DSTYK: variants seen among roughly 807,000 people sequenced by gnomAD.
DSTYK encodes the protein RIP-homologous kinase.
Under a neutral mutation model 98.7 loss-of-function variants are expected in DSTYK, and 34 were observed. That is an observed-to-expected ratio of 0.34 (90% CI 0.26 to 0.46). The LOEUF is 0.46. DSTYK is among the 20% of genes least tolerant of loss of function. The pLI is 1.00. For synonymous variants in DSTYK, 462 were observed against 457.3 expected, an observed-to-expected ratio of 1.01 and a Z score of -0.13; for missense variants, 962 against 1,181.7, an observed-to-expected ratio of 0.81 and a Z score of 2.73.
Position 205,211,502 on chromosome 1 carries a change from G to A in DSTYK, c.34C>T (p.Pro12Ser). 1 of 1,572,474 alleles carries A rather than the reference G, an allele frequency of 6.4e-7. No individual in the cohort carries two copies. The highest frequency in any genetic ancestry group is 8.6e-7 in the Non-Finnish European group (1 of 1,164,624). Residue 12 changes from proline to serine, a missense_variant, in exon 1 of 13, where the codon CCC becomes TCC. Transcript: ENST00000367162. ...EGDGVPWGSE[P>S]VSGPGPGGGG... Reference sequence around the variant, plus strand: ...CCGCCGGGGCCGGGACCCGAGACGGGCTCGCTGCCCCATGGCACCCCGTCG... The same window carrying A: ...CCGCCGGGGCCGGGACCCGAGACGGACTCGCTGCCCCATGGCACCCCGTCG...
intron 10 of DSTYK, among the ~76,000 whole-genome samples, chr1:205,155,614 C>T (rs143558859): frequency 0.012 from 1,849 of 151,008 alleles, 44 homozygotes; most frequent in African/African-American, 0.043. Context: ...GTTGAGATTG[C>T]GCCACTGCAC....
At chr1:205,163,602 A>C (rs1657800193) in intron 4 of DSTYK, 121 bp downstream of exon 4, 1 of 859,148 alleles carries the variant, frequency 1.2e-6, no homozygotes, top group Non-Finnish European at 1.8e-6. Context: ...ACAAAATAAA[A>C]TTCAAACAAG....
At chr1:205,174,367 G>A (rs1190441715) in intron 2 of DSTYK, among the ~76,000 whole-genome samples, 1 of 151,980 alleles carries the variant, frequency 6.6e-6, no homozygotes, top group Non-Finnish European at 1.5e-5. Flanking sequence ...ACAAAAATTA[G>A]CTGAGTGTGG....
chr1:205,190,914 GA>G (rs1426216939), intron 1 of DSTYK, among the ~76,000 whole-genome samples: 2 of 152,162 alleles, frequency 1.3e-5, no homozygotes, highest in Non-Finnish European at 2.9e-5. Context: ...TAATAGAGAA[GA>G]AAACCGACTA....
intron 2 of DSTYK, among the ~76,000 whole-genome samples, chr1:205,177,445 G>A (rs1658264397): frequency 6.6e-6 from 1 of 152,060 alleles, no homozygotes; most frequent in African/African-American, 2.4e-5. Flanking sequence ...CATTTGAAAG[G>A]TTTCTCCTGT....
Position 205,147,746 on chromosome 1 carries a change from C to G in DSTYK, c.2603-1G>C. 6.2e-7 allele frequency: 1 copy of G among 1,611,844 alleles called. No homozygotes were observed. The highest frequency in any genetic ancestry group is 8.5e-7 in the Non-Finnish European group (1 of 1,178,226). On this transcript the variant is annotated splice_acceptor_variant, in intron 12 of 12. Transcript: ENST00000367162. LOFTEE classifies it high-confidence loss of function. ...ACAGGAAGACGTTCTGGGCGAGCCC[C>G]TAGAGAAAGGAGCATGGAAACAAGA...
At chr1:205,166,786 A>G (rs1558607619) in intron 3 of DSTYK, among the ~76,000 whole-genome samples, 1 of 152,232 alleles carries the variant, frequency 6.6e-6, no homozygotes, top group Non-Finnish European at 1.5e-5. Flanking sequence ...ACTATAAGAA[A>G]TCAGGCAACC....
intron 2 of DSTYK, among the ~76,000 whole-genome samples, chr1:205,180,124 TTTTAC>T (rs1448504134): frequency 1.3e-5 from 2 of 152,188 alleles, no homozygotes; most frequent in Non-Finnish European, 2.9e-5. Context: ...TTTGTTTTGT[TTTTAC>T]TTTAAGTTCT....
intron 10 of DSTYK, among the ~76,000 whole-genome samples, chr1:205,155,316 G>C (rs61822628): frequency 0.3 from 45,551 of 151,760 alleles, 7,251 homozygotes; most frequent in South Asian, 0.41. Flanking sequence ...AAGTGTTGAA[G>C]AGGAGGCAGA....
intron 2 of DSTYK, among the ~76,000 whole-genome samples, chr1:205,186,402 A>G (rs1041394300): frequency 5.3e-5 from 8 of 152,204 alleles, no homozygotes; most frequent in Non-Finnish European, 8.8e-5. Flanking sequence ...AGGAAATGAG[A>G]GGACAATTTT....
chr1:205,187,721 GAGGATCAGTATGCA>G lies in DSTYK; in HGVS notation c.337_350del (p.Cys113ArgfsTer5). ...GGCACTTGACGTTACAATCCTGGCC[GAGGATCAGTATGCA>G]AGGGAGGCAGTCCACAATCTGCTGG... On this transcript the variant is annotated frameshift_variant, in exon 2 of 13. Transcript: ENST00000367162. LOFTEE classifies it high-confidence loss of function. 6.2e-7 allele frequency: 1 copy of G among 1,614,168 alleles called. No homozygotes were observed. Among genetic ancestry groups the G allele is most frequent in the Non-Finnish European group, 8.5e-7 (1 of 1,180,030 alleles).
chr1:205,204,637 A>C (rs1659148519), intron 1 of DSTYK, among the ~76,000 whole-genome samples: 1 of 152,212 alleles, frequency 6.6e-6, no homozygotes, highest in Admixed American at 6.5e-5. Flanking sequence ...TGTACAATTC[A>C]GTGGCTTTTA....
chr1:205,206,319 G>A (rs1275159412), intron 1 of DSTYK, among the ~76,000 whole-genome samples: 13 of 149,180 alleles, frequency 8.7e-5, no homozygotes, highest in Admixed American at 6.7e-5. Flanking sequence ...TCGCTCTGTC[G>A]CCCAGGCTAG....
chr1:205,183,913 C>T (rs1469310804), intron 2 of DSTYK, among the ~76,000 whole-genome samples: 1 of 152,032 alleles, frequency 6.6e-6, no homozygotes, highest in Admixed American at 6.6e-5. Flanking sequence ...GGTATGAGGC[C>T]TACATCAAAA....
chr1:205,175,046 G>A (rs1658187855), intron 2 of DSTYK, among the ~76,000 whole-genome samples: 1 of 146,168 alleles, frequency 6.8e-6, no homozygotes, highest in Admixed American at 6.9e-5. Context: ...CATGGATTTC[G>A]GGCTTTCTAA....
chr1:205,149,205 G>T (rs917401687), intron 11 of DSTYK, among the ~76,000 whole-genome samples: 1 of 146,654 alleles, frequency 6.8e-6, no homozygotes, highest in Admixed American at 6.9e-5. Flanking sequence ...CTGGCCGAAA[G>T]TTTTTTTTTT....
At chr1:205,157,520 AC>A in intron 9 of DSTYK, 134 bp from the exon 10 acceptor site, 1 of 622,652 alleles carries the variant, frequency 1.6e-6, no homozygotes, top group Non-Finnish European at 2.8e-6. Flanking sequence ...CATGCCTGTA[AC>A]CCCAGCACTT....
At chr1:205,200,220 T>C (rs1249624318) in intron 1 of DSTYK, among the ~76,000 whole-genome samples, 1 of 152,072 alleles carries the variant, frequency 6.6e-6, no homozygotes, top group East Asian at 1.9e-4. Context: ...GTATTTTTAG[T>C]AGGGACAAGG....
At chr1:205,149,779 G>T (rs1373745874) in intron 11 of DSTYK, among the ~76,000 whole-genome samples, 1 of 152,254 alleles carries the variant, frequency 6.6e-6, no homozygotes, top group African/African-American at 2.4e-5. Context: ...TCTTCTGTGG[G>T]AATTTCAAAC....
Sources: gnomAD v4.1 joint callset for allele counts (sites outside exome capture counted in the v4.1 genomes callset) on GRCh38, gnomAD v4.1.1 for gene constraint, MANE v1.5 for transcripts, NCBI Gene and HGNC (gene_info 2026-07-23, HGNC 2026-07-21) for gene names.